Variants in PSMA1 observed in about 807,000 individuals in gnomAD.
The protein encoded by PSMA1 is proteasome subunit alpha type-1.
A neutral mutation model predicts 38.4 loss-of-function variants in PSMA1; 3 were observed. That is an observed-to-expected ratio of 0.08 (90% CI 0.04 to 0.20). The LOEUF (loss-of-function observed/expected upper bound fraction) is 0.20. Among genes scored for constraint, PSMA1 ranks in the 10% least tolerant of loss-of-function variants. The probability of loss-of-function intolerance (pLI) is 1.00; values close to 1 mark genes in which losing one functional copy is unlikely to be tolerated. For missense variants in PSMA1, 227 were observed against 325.3 expected, an observed-to-expected ratio of 0.70 and a Z score of 2.32; for synonymous variants, 101 against 107.1, an observed-to-expected ratio of 0.94 and a Z score of 0.35.
intron 9 of PSMA1, among the ~76,000 whole-genome samples, chr11:14,506,581 G>T (rs1851248628): frequency 6.6e-6 from 1 of 151,828 alleles, no homozygotes; most frequent in African/African-American, 2.4e-5. Flanking sequence ...CTAGCAAAAA[G>T]ACCCATATTT....
At chr11:14,535,830 T>A (rs1012051715) in intron 2 of PSMA1, among the ~76,000 whole-genome samples, 1 of 152,186 alleles carries the variant, frequency 6.6e-6, no homozygotes, top group African/African-American at 2.4e-5. Flanking sequence ...GTCTTTAAAT[T>A]GGAGAATTAG....
intron 5 of PSMA1, 153 bp downstream of exon 5, chr11:14,514,250 C>T: frequency 7.3e-7 from 1 of 1,372,210 alleles, no homozygotes; most frequent in Non-Finnish European, 9.4e-7. Context: ...ATATAAATTG[C>T]TTATAAAGGC....
chr11:14,586,494 T>C (rs541573322), intron 2 of PSMA1, among the ~76,000 whole-genome samples: 7 of 152,124 alleles, frequency 4.6e-5, no homozygotes, highest in Non-Finnish European at 1.0e-4. Context: ...AGTATGCATG[T>C]GGGTGTTTGT....
intron 1 of PSMA1, among the ~76,000 whole-genome samples, chr11:14,618,183 T>C (rs952389134): frequency 3.3e-5 from 5 of 152,196 alleles, no homozygotes; most frequent in Non-Finnish European, 7.3e-5. Context: ...TATCGAGAAA[T>C]GTGATTATTC....
intron 9 of PSMA1, among the ~76,000 whole-genome samples, chr11:14,506,477 T>C (rs1055682278): frequency 3.3e-5 from 5 of 152,122 alleles, no homozygotes; most frequent in South Asian, 2.1e-4. Context: ...AAAAAACTCA[T>C]GCTGTAGAAA....
intron 1 of PSMA1, 200 bp downstream of exon 1, chr11:14,520,097 G>A (rs919912896): frequency 3.8e-6 from 3 of 780,512 alleles, no homozygotes; most frequent in East Asian, 2.6e-5. Context: ...CGAAAGCGGT[G>A]GAAAGGCCGC....
chr11:14,546,508 G>A (rs1851829661), intron 2 of PSMA1, among the ~76,000 whole-genome samples: 1 of 152,028 alleles, frequency 6.6e-6, no homozygotes, highest in Non-Finnish European at 1.5e-5. Flanking sequence ...CACGATCTCG[G>A]CTCACTGCAA....
intron 2 of PSMA1, among the ~76,000 whole-genome samples, chr11:14,538,149 C>T (rs1032027177): frequency 6.6e-6 from 1 of 152,094 alleles, no homozygotes; most frequent in Non-Finnish European, 1.5e-5. Flanking sequence ...TTAAAAACTA[C>T]ACATAGTTCC....
At chr11:14,593,654 GAGAGA>G (rs1363861073) in intron 2 of PSMA1, among the ~76,000 whole-genome samples, 2 of 148,024 alleles carry the variant, frequency 1.4e-5, no homozygotes, top group Non-Finnish European at 3.0e-5. Context: ...GAGAGAGAGA[GAGAGA>G]GAGCGCCAGC....
At chr11:14,511,869 A>C (rs1851349930) in intron 7 of PSMA1, among the ~76,000 whole-genome samples, 1 of 152,222 alleles carries the variant, frequency 6.6e-6, no homozygotes, top group Admixed American at 6.5e-5. Flanking sequence ...TTAGGAATCT[A>C]TAAAAAAATG....
intron 2 of PSMA1, 76 bp downstream of exon 2, chr11:14,518,921 C>T (rs968314643): frequency 1.7e-6 from 2 of 1,169,518 alleles, no homozygotes; most frequent in Non-Finnish European, 2.5e-6. Context: ...CCCAAGCCTA[C>T]GCTCTCACAA....
rs1260608095 is a variant in PSMA1, at chr11:14,534,919, T to C, written c.22-15878A>G. 3.9e-5 allele frequency among the ~76,000 whole-genome samples: 6 copies of C among 151,984 alleles called. No homozygotes were observed. Among genetic ancestry groups the C allele is most frequent in the Non-Finnish European group, 8.8e-5 (6 of 67,992 alleles). On this transcript the variant is annotated intron_variant, in intron 2 of 10. Transcript: ENST00000418988. This position sits in a 1 kb window ranked among gnomAD's most constrained non-coding sequence, Gnocchi z 4.5. ...GGCAAAACCCCGTCTCTACTAAAAA[T>C]ACAAAATTAGCGGGCATGGTGGCAG...
At chr11:14,581,501 G>A (rs182773344) in intron 2 of PSMA1, among the ~76,000 whole-genome samples, 1 of 152,078 alleles carries the variant, frequency 6.6e-6, no homozygotes, top group Non-Finnish European at 1.5e-5. Context: ...GGGCTAATAT[G>A]AGTAAAACCC....
chr11:14,604,870 A>G (rs1373449516), intron 2 of PSMA1, among the ~76,000 whole-genome samples: 1 of 152,188 alleles, frequency 6.6e-6, no homozygotes, highest in Non-Finnish European at 1.5e-5. Context: ...TAATTGCTGC[A>G]AAGAACATGA....
At chr11:14,521,636 A>G (rs1004140291), upstream of PSMA1, among the ~76,000 whole-genome samples, 1 of 151,722 alleles carries the variant, frequency 6.6e-6, no homozygotes, top group African/African-American at 2.4e-5. Flanking sequence ...TACAAAAATT[A>G]GCCGGGCGTG....
intron 1 of PSMA1, among the ~76,000 whole-genome samples, chr11:14,634,079 A>G (rs1853078784): frequency 6.6e-6 from 1 of 152,180 alleles, no homozygotes; most frequent in East Asian, 1.9e-4. Context: ...TCAGATGGAA[A>G]TGCAGAAATC....
intron 2 of PSMA1, among the ~76,000 whole-genome samples, chr11:14,578,129 C>T (rs1038254265): frequency 2.6e-5 from 4 of 151,986 alleles, no homozygotes; most frequent in African/African-American, 7.3e-5. Context: ...ATGTAGATCA[C>T]GGGTTGATGG....
chr11:14,588,025 A>G (rs1417160436), intron 2 of PSMA1, among the ~76,000 whole-genome samples: 1 of 152,230 alleles, frequency 6.6e-6, no homozygotes, highest in Non-Finnish European at 1.5e-5. Context: ...ATGAAAATAC[A>G]GCCCTTGCCT....
At chr11:14,582,395 C>T (rs1030983378) in intron 2 of PSMA1, among the ~76,000 whole-genome samples, 5 of 152,132 alleles carry the variant, frequency 3.3e-5, no homozygotes, top group African/African-American at 9.7e-5. Context: ...CTGAAGGCTT[C>T]TGAAGCTTAA....
Sources: allele counts gnomAD v4.1 joint callset (sites outside exome capture counted in the v4.1 genomes callset), GRCh38; gene constraint gnomAD v4.1.1; non-coding constraint Gnocchi (gnomAD v3.1); transcripts MANE v1.5; gene names NCBI Gene and HGNC (gene_info 2026-07-23, HGNC 2026-07-21).